Variants in RALYL observed in about 807,000 individuals in gnomAD.
The protein encoded by RALYL is RNA-binding Raly-like protein.
In RALYL, 29 loss-of-function variants were observed where a neutral mutation model predicts 35.1. That is an observed-to-expected ratio of 0.83 (90% confidence interval 0.61 to 1.13). The LOEUF (loss-of-function observed/expected upper bound fraction) is 1.13, where lower values mean the gene tolerates loss of function less well. RALYL is among the 50% of genes most tolerant of loss of function. The pLI is 0.00. For missense variants in RALYL, 359 were observed against 360.4 expected (o/e 1.00, Z 0.03); for synonymous variants, 120 against 127.6 (o/e 0.94, Z 0.40).
intron 6 of RALYL, among the ~76,000 whole-genome samples, chr8:84,862,826 A>G (rs564793888): frequency 8.5e-5 from 13 of 152,364 alleles, no homozygotes; most frequent in African/African-American, 3.1e-4. Flanking sequence ...TCAGAGAAAC[A>G]TACAAAATTA....
intron 1 of RALYL, among the ~76,000 whole-genome samples, chr8:84,233,085 C>T (rs1393212649): frequency 2.6e-5 from 4 of 151,974 alleles, no homozygotes; most frequent in Non-Finnish European, 1.5e-5. Flanking sequence ...TGGGCTCAAA[C>T]GATCCACCTG....
At chr8:84,770,305 C>T (rs1267865828) in intron 2 of RALYL, among the ~76,000 whole-genome samples, 3 of 151,454 alleles carry the variant, frequency 2.0e-5, no homozygotes, top group Non-Finnish European at 4.4e-5. Context: ...GTTTGGTTTT[C>T]TATTCCTGTG....
chr8:84,610,654 G>T lies in RALYL; in HGVS notation c.256+81077G>T, dbSNP rs540273900. On this transcript the variant is annotated intron_variant, in intron 2 of 8. Coordinates refer to ENST00000521268, the MANE Select transcript of RALYL (RefSeq NM_173848.7). Reference sequence around the variant, plus strand: ...TAGTTATGTTCTCTCCTTTAGAGAGGAGTATCTACATAATTTATCTGGAAT... The same window carrying T: ...TAGTTATGTTCTCTCCTTTAGAGAGTAGTATCTACATAATTTATCTGGAAT... 6.0e-4 allele frequency among the ~76,000 whole-genome samples: 92 copies of T among 152,150 alleles called. 1 individual carries two copies. The highest frequency in any genetic ancestry group is 1.1e-3 in the Non-Finnish European group (74 of 67,988).
At chr8:84,810,865 T>G (rs1184363724) in intron 4 of RALYL, among the ~76,000 whole-genome samples, 1 of 152,164 alleles carries the variant, frequency 6.6e-6, no homozygotes, top group Non-Finnish European at 1.5e-5. Context: ...CCCTTTACTT[T>G]AAGTTTATGT....
At chr8:84,702,180 T>C (rs1190690947) in intron 2 of RALYL, among the ~76,000 whole-genome samples, 1 of 152,194 alleles carries the variant, frequency 6.6e-6, no homozygotes, top group Non-Finnish European at 1.5e-5. Flanking sequence ...ATTTTAGCTC[T>C]TTTTAAATCA....
At chr8:84,362,002 G>C (rs965168475) in intron 1 of RALYL, among the ~76,000 whole-genome samples, 22 of 152,088 alleles carry the variant, frequency 1.4e-4, no homozygotes, top group Non-Finnish European at 2.6e-4. Context: ...TTATTTTCCA[G>C]GTTGCTGTAT....
chr8:84,427,827 T>C (rs949188500), intron 1 of RALYL, among the ~76,000 whole-genome samples: 3 of 152,202 alleles, frequency 2.0e-5, no homozygotes, highest in African/African-American at 7.2e-5. Flanking sequence ...CTTGTAATTA[T>C]CTCTCTCTCC....
intron 2 of RALYL, among the ~76,000 whole-genome samples, chr8:84,712,634 A>G (rs545912990): frequency 3.4e-4 from 52 of 152,272 alleles, no homozygotes; most frequent in African/African-American, 1.2e-3. Context: ...TTTCTCTTCT[A>G]AGAATCTGTG....
At chr8:84,812,591 G>T (rs747331132) in intron 4 of RALYL, among the ~76,000 whole-genome samples, 5 of 152,154 alleles carry the variant, frequency 3.3e-5, no homozygotes, top group Admixed American at 6.5e-5. Flanking sequence ...GCTCTCCTTC[G>T]ATGGGTCTTG....
At chr8:84,273,298 T>A (rs551150407) in intron 1 of RALYL, among the ~76,000 whole-genome samples, 2 of 152,242 alleles carry the variant, frequency 1.3e-5, no homozygotes, top group African/African-American at 2.4e-5. Context: ...CATGTGTGGC[T>A]GTTGGCAGGC....
chr8:84,618,152 A>C (rs1010074116), intron 2 of RALYL, among the ~76,000 whole-genome samples: 2 of 151,802 alleles, frequency 1.3e-5, no homozygotes, highest in African/African-American at 4.9e-5. Flanking sequence ...TGATTGGAAT[A>C]GTTTCAGAAG....
At chr8:84,550,254 C>T (rs2060627281) in intron 2 of RALYL, among the ~76,000 whole-genome samples, 1 of 151,820 alleles carries the variant, frequency 6.6e-6, no homozygotes, top group Non-Finnish European at 1.5e-5. Context: ...TCTCCTTTTC[C>T]TTTAGCTTCA....
chr8:84,199,992 C>A (rs1816437785), intron 1 of RALYL, among the ~76,000 whole-genome samples: 1 of 151,386 alleles, frequency 6.6e-6, no homozygotes, highest in South Asian at 2.1e-4. Context: ...TTTTAGTCAG[C>A]TATTTGGAAT....
rs1216267862 is a variant in RALYL at position 84,266,027 on chromosome 8, GA to G, written c.-24+81605del. 2.6e-5 allele frequency among the ~76,000 whole-genome samples: 4 copies of G among 152,210 alleles called. No individual in the cohort carries two copies. The East Asian group carries it at 7.7e-4, about 29-fold the overall frequency. On this transcript the variant is annotated intron_variant, in intron 1 of 8. Coordinates refer to ENST00000521268, the MANE Select transcript of RALYL (RefSeq NM_173848.7). ...TTGAACTTGTTGCTTCCCAAGTCAA[GA>G]ACTTTAAATGATTCCTTGACGTTAA...
At chr8:84,269,116 A>G (rs553842912) in intron 1 of RALYL, among the ~76,000 whole-genome samples, 2 of 152,224 alleles carry the variant, frequency 1.3e-5, no homozygotes, top group African/African-American at 4.8e-5. Context: ...GTAATTCATT[A>G]TTTTTCTAAA....
intron 8 of RALYL, among the ~76,000 whole-genome samples, chr8:84,896,828 A>G (rs562959597): frequency 6.6e-6 from 1 of 152,320 alleles, no homozygotes; most frequent in African/African-American, 2.4e-5. Context: ...AATGCAATAC[A>G]ACCTAGTGGT....
chr8:84,769,497 A>G (rs2634063), intron 2 of RALYL, among the ~76,000 whole-genome samples: 34,914 of 152,034 alleles, frequency 0.23, 4,213 homozygotes, highest in Non-Finnish European at 0.25. Flanking sequence ...GGTGGCTCAC[A>G]CCTCTGTAAT....
intron 2 of RALYL, among the ~76,000 whole-genome samples, chr8:84,749,031 C>A (rs1474534876): frequency 1.3e-5 from 2 of 152,090 alleles, no homozygotes; most frequent in Non-Finnish European, 2.9e-5. Flanking sequence ...AGCAGCACTA[C>A]TCTGAGAATT....
intron 2 of RALYL, among the ~76,000 whole-genome samples, chr8:84,566,714 A>T (rs2061808723): frequency 6.6e-6 from 1 of 151,678 alleles, no homozygotes; most frequent in East Asian, 1.9e-4. Context: ...TACATAATCC[A>T]AAATTTACTG....
Sources: gnomAD v4.1 joint callset for allele counts (sites outside exome capture counted in the v4.1 genomes callset) on GRCh38, gnomAD v4.1.1 for gene constraint, MANE v1.5 for transcripts, NCBI Gene and HGNC (gene_info 2026-07-23, HGNC 2026-07-21) for gene names.